Variants in ANKMY2 observed in about 807,000 individuals in gnomAD.
The protein encoded by ANKMY2 is ankyrin repeat and MYND domain-containing protein 2.
Under a neutral mutation model 50.4 loss-of-function variants are expected in ANKMY2, and 36 were observed. The observed-to-expected ratio is 0.71, with a 90% CI of 0.55 to 0.94. The LOEUF (loss-of-function observed/expected upper bound fraction) is 0.94. Ranked by LOEUF, ANKMY2 falls within the 40% of genes least tolerant of loss-of-function variation. The pLI is 0.00. For missense variants in ANKMY2, 565 were observed against 524.0 expected, an observed-to-expected ratio of 1.08 and a Z score of -0.76; for synonymous variants, 187 against 178.8, an observed-to-expected ratio of 1.05 and a Z score of -0.36.
chr7:16,641,353 T>A (rs887922570), intron 1 of ANKMY2, among the ~76,000 whole-genome samples: 1 of 152,294 alleles, frequency 6.6e-6, no homozygotes, highest in African/African-American at 2.4e-5. Flanking sequence ...TTTTTAGACT[T>A]TGTAAAAAAA....
chr7:16,620,277 G>GTA (rs1466040595), intron 4 of ANKMY2, among the ~76,000 whole-genome samples: 1 of 152,120 alleles, frequency 6.6e-6, no homozygotes, highest in Admixed American at 6.5e-5. Context: ...ACAGCTGGTG[G>GTA]TATGGATTAC....
rs190847387 is a variant in ANKMY2 at position 16,638,692 on chromosome 7, A to T, written c.68-2237T>A. ...TGGAGTTGAAAAATTCAACCTTCTA[A>T]TCATGGCTTGGACTTTCTCATGACC... On this transcript the variant is annotated intron_variant, in intron 1 of 9. Transcript: ENST00000306999. 1.1e-4 allele frequency among the ~76,000 whole-genome samples: 17 copies of T among 152,220 alleles called. No homozygotes were observed. The East Asian group carries it at 3.1e-3, about 28-fold the overall frequency.
At chr7:16,640,315 T>C (rs1416974289) in intron 1 of ANKMY2, among the ~76,000 whole-genome samples, 1 of 152,194 alleles carries the variant, frequency 6.6e-6, no homozygotes, top group African/African-American at 2.4e-5. Flanking sequence ...CTTTATTAGA[T>C]CTTCTTTTTA....
intron 5 of ANKMY2, among the ~76,000 whole-genome samples, chr7:16,611,266 T>G (rs865949322): frequency 2.6e-5 from 4 of 152,224 alleles, no homozygotes; most frequent in Admixed American, 6.5e-5. Flanking sequence ...TATGCTTTAC[T>G]TTCCAATTAA....
At chr7:16,612,225 C>A (rs893758338) in intron 5 of ANKMY2, among the ~76,000 whole-genome samples, 1 of 152,184 alleles carries the variant, frequency 6.6e-6, no homozygotes, top group Non-Finnish European at 1.5e-5. Flanking sequence ...GAATTAGATT[C>A]TTTTCTTTAG....
intron 1 of ANKMY2, among the ~76,000 whole-genome samples, chr7:16,640,870 T>C (rs1175258827): frequency 6.6e-6 from 1 of 152,138 alleles, no homozygotes; most frequent in Admixed American, 6.5e-5. Context: ...AAAACGGATA[T>C]TTTAAGGAAT....
chr7:16,627,616 A>C (rs142076762), intron 2 of ANKMY2, among the ~76,000 whole-genome samples: 12 of 152,368 alleles, frequency 7.9e-5, no homozygotes, highest in Middle Eastern at 6.8e-3. Context: ...GAAGCTATTA[A>C]ATGAATGATT....
chr7:16,632,685 C>T (rs144439493), intron 2 of ANKMY2, among the ~76,000 whole-genome samples: 2 of 152,278 alleles, frequency 1.3e-5, no homozygotes, highest in African/African-American at 4.8e-5. Context: ...CTACCTTTGA[C>T]TATTATGAAT....
intron 4 of ANKMY2, among the ~76,000 whole-genome samples, chr7:16,616,320 T>C (rs1010346115): frequency 6.6e-6 from 1 of 152,162 alleles, no homozygotes; most frequent in Admixed American, 6.5e-5. Flanking sequence ...ATATAAAGTA[T>C]TGTTCTTACT....
At chr7:16,616,710 T>A (rs1396360269) in intron 4 of ANKMY2, among the ~76,000 whole-genome samples, 1 of 152,230 alleles carries the variant, frequency 6.6e-6, no homozygotes, top group Admixed American at 6.5e-5. Context: ...GACTTCTTCC[T>A]CCGCTCTGCC....
intron 2 of ANKMY2, among the ~76,000 whole-genome samples, chr7:16,627,837 CACA>C (rs1781526689): frequency 6.6e-6 from 1 of 151,010 alleles, no homozygotes; most frequent in East Asian, 2.0e-4. Flanking sequence ...TTGGTCAAAT[CACA>C]CATATATTTT....
At chr7:16,636,494 C>T (rs1781664681) in intron 1 of ANKMY2, 39 bp from the exon 2 acceptor site, 3 of 1,475,198 alleles carry the variant, frequency 2.0e-6, no homozygotes, top group Non-Finnish European at 2.8e-6. Flanking sequence ...GGTTATTCGT[C>T]ACTAGAATAA....
At chr7:16,622,391 G>A (rs1005436376) in intron 4 of ANKMY2, among the ~76,000 whole-genome samples, 1 of 152,140 alleles carries the variant, frequency 6.6e-6, no homozygotes, top group African/African-American at 2.4e-5. Context: ...ACTCAGCTCT[G>A]ATGAGGATAT....
chr7:16,624,223 C>T lies in ANKMY2; in HGVS notation c.370+760G>A, dbSNP rs74558071. Among the ~76,000 whole-genome samples the T allele has an allele frequency of 2.5e-3, 381 of 152,182 alleles. 4 individuals carry two copies. Among genetic ancestry groups the T allele is most frequent in the African/African-American group, 8.6e-3 (359 of 41,516 alleles). ...GTTTAATGAATTATTAGTCCCTATA[C>T]GGCCACTTACTGCACTCCCAATAAA... On this transcript the variant is annotated intron_variant, in intron 4 of 9. Transcript: ENST00000306999.
intron 1 of ANKMY2, among the ~76,000 whole-genome samples, chr7:16,642,630 C>T (rs917226383): frequency 3.4e-5 from 5 of 148,716 alleles, no homozygotes; most frequent in African/African-American, 1.2e-4. Context: ...TAGAGTTTTT[C>T]AAAGTTGAAA....
rs192193441 is a variant in ANKMY2 at position 16,632,249 on chromosome 7, A to G, written c.132+4142T>C. Reference sequence around the variant, plus strand: ...TTTTTCTTTCCTGTTTTATTGAGATACAATTCATATAGCATACAATTTACT... The same window carrying G: ...TTTTTCTTTCCTGTTTTATTGAGATGCAATTCATATAGCATACAATTTACT... On this transcript the variant is annotated intron_variant, in intron 2 of 9. Transcript: ENST00000306999. Among the ~76,000 whole-genome samples the G allele has an allele frequency of 2.6e-5, 4 of 152,214 alleles. No homozygotes were observed. In the East Asian group the frequency reaches 7.7e-4, roughly 29 times the overall value.
chr7:16,621,945 G>T (rs1684565232), intron 4 of ANKMY2, among the ~76,000 whole-genome samples: 1 of 151,520 alleles, frequency 6.6e-6, no homozygotes, highest in South Asian at 2.1e-4. Flanking sequence ...CTCCAGCCTG[G>T]GTGACAGAGT....
At chr7:16,636,248 AGCCAAAATTGT>A (rs1255796646) in intron 2 of ANKMY2, 132 bp downstream of exon 2, 1 of 591,008 alleles carries the variant, frequency 1.7e-6, no homozygotes, top group Non-Finnish European at 2.8e-6. Context: ...GGTTGCAGTG[AGCCAAAATTGT>A]GCCACTGCAT....
intron 2 of ANKMY2, among the ~76,000 whole-genome samples, chr7:16,628,558 G>T (rs1050440945): frequency 6.6e-6 from 1 of 152,056 alleles, no homozygotes; most frequent in Non-Finnish European, 1.5e-5. Flanking sequence ...GTGCTTCAAG[G>T]GAGTAGGAAT....
Sources: gnomAD v4.1 joint callset for allele counts (sites outside exome capture counted in the v4.1 genomes callset) on GRCh38, gnomAD v4.1.1 for gene constraint, MANE v1.5 for transcripts, NCBI Gene and HGNC (gene_info 2026-07-23, HGNC 2026-07-21) for gene names.